The following PLPPR5 variants were observed in gnomAD, a reference collection of about 807,000 sequenced individuals.
PLPPR5 encodes phospholipid phosphatase related 5.
PLPPR5 carries 16 observed loss-of-function variants against 33.9 expected under a neutral mutation model. The ratio of observed to expected loss-of-function variants is 0.47; its 90% confidence interval spans 0.32 to 0.72. PLPPR5 has a LOEUF of 0.72. Ranked by LOEUF, PLPPR5 falls within the 30% of genes least tolerant of loss-of-function variation. The pLI is 0.03. For synonymous variants in PLPPR5, 163 were observed against 150.3 expected, an observed-to-expected ratio of 1.08 and a Z score of -0.62; for missense variants, 301 against 406.7, an observed-to-expected ratio of 0.74 and a Z score of 2.23.
intron 3 of PLPPR5, among the ~76,000 whole-genome samples, chr1:98,935,812 C>T (rs1251684640): frequency 6.6e-6 from 1 of 152,192 alleles, no homozygotes; most frequent in African/African-American, 2.4e-5. Flanking sequence ...TGCCAGAACA[C>T]TGCTTTATGC....
intron 1 of PLPPR5, among the ~76,000 whole-genome samples, chr1:99,003,568 T>A (rs1181058123): frequency 6.6e-6 from 1 of 152,188 alleles, no homozygotes; most frequent in Non-Finnish European, 1.5e-5. Flanking sequence ...TATTCACATA[T>A]GTAAATTACT....
intron 2 of PLPPR5, among the ~76,000 whole-genome samples, chr1:98,955,681 T>A (rs1015930877): frequency 6.6e-6 from 1 of 152,092 alleles, no homozygotes; most frequent in Non-Finnish European, 1.5e-5. Flanking sequence ...AGGTGATCTA[T>A]GCATAATATC....
At chr1:98,895,277 G>T (rs982349304) in intron 5 of PLPPR5, among the ~76,000 whole-genome samples, 1 of 151,834 alleles carries the variant, frequency 6.6e-6, no homozygotes, top group Non-Finnish European at 1.5e-5. Flanking sequence ...CCCTCTTTTT[G>T]TGCTTCCATT....
chr1:98,902,966 T>A (rs1392296943), intron 5 of PLPPR5, among the ~76,000 whole-genome samples: 1 of 152,116 alleles, frequency 6.6e-6, no homozygotes, highest in African/African-American at 2.4e-5. Context: ...ATGTAGTATG[T>A]AATAATTCAT....
At chr1:98,901,484 C>T (rs1648692053) in intron 5 of PLPPR5, among the ~76,000 whole-genome samples, 1 of 151,962 alleles carries the variant, frequency 6.6e-6, no homozygotes, top group Admixed American at 6.6e-5. Context: ...AAATTAGGCC[C>T]ACCAGACATA....
intron 1 of PLPPR5, among the ~76,000 whole-genome samples, chr1:98,969,993 T>A (rs1169743638): frequency 6.6e-6 from 1 of 152,026 alleles, no homozygotes; most frequent in African/African-American, 2.4e-5. Context: ...TTCAAATTCA[T>A]CATACAGATC....
intron 1 of PLPPR5, among the ~76,000 whole-genome samples, chr1:99,001,312 T>C (rs1307717937): frequency 1.3e-5 from 2 of 151,720 alleles, no homozygotes; most frequent in Admixed American, 1.3e-4. Context: ...TTTTTTGTAC[T>C]TTTTAGTAGA....
intron 3 of PLPPR5, among the ~76,000 whole-genome samples, chr1:98,934,490 A>T (rs913660517): frequency 1.3e-5 from 2 of 152,180 alleles, no homozygotes; most frequent in Admixed American, 1.3e-4. Flanking sequence ...ACACTCATTT[A>T]TCCAGTTTCA....
At chr1:98,932,096 C>A (rs1295759303) in intron 3 of PLPPR5, among the ~76,000 whole-genome samples, 3 of 152,202 alleles carry the variant, frequency 2.0e-5, no homozygotes, top group Admixed American at 6.5e-5. Context: ...CCTCAGTGGC[C>A]AACAGAAGTT....
intron 1 of PLPPR5, among the ~76,000 whole-genome samples, chr1:98,988,986 C>T (rs1048055570): frequency 5.3e-5 from 8 of 152,012 alleles, no homozygotes; most frequent in African/African-American, 1.9e-4. Context: ...ACCAGTGATC[C>T]CTTTTATAGA....
At chr1:98,984,956 T>A (rs571669081) in intron 1 of PLPPR5, among the ~76,000 whole-genome samples, 94 of 152,166 alleles carry the variant, frequency 6.2e-4, no homozygotes, top group Middle Eastern at 6.8e-3. Context: ...CTTTCTTGTA[T>A]TGAGCTGGCT....
chr1:98,958,794 G>A (rs995695695), intron 1 of PLPPR5, among the ~76,000 whole-genome samples: 1 of 152,076 alleles, frequency 6.6e-6, no homozygotes, highest in Non-Finnish European at 1.5e-5. Context: ...CTTCTTCTGG[G>A]TCTGTTTTAC....
At chr1:98,900,910 C>T (rs1053960377) in intron 5 of PLPPR5, among the ~76,000 whole-genome samples, 2 of 152,132 alleles carry the variant, frequency 1.3e-5, no homozygotes, top group African/African-American at 4.8e-5. Context: ...AGAAATGACA[C>T]AGATAACTTG....
At chr1:98,991,959 C>T (rs1157603224) in intron 1 of PLPPR5, among the ~76,000 whole-genome samples, 1 of 152,180 alleles carries the variant, frequency 6.6e-6, no homozygotes, top group African/African-American at 2.4e-5. Context: ...AGTCACTGTT[C>T]ATTTCATTTG....
At chr1:98,961,709 T>G (rs561002509) in intron 1 of PLPPR5, among the ~76,000 whole-genome samples, 6 of 152,228 alleles carry the variant, frequency 3.9e-5, no homozygotes, top group Non-Finnish European at 8.8e-5. Context: ...TTATGGCTAA[T>G]TTAATACCAG....
At chr1:98,909,201 G>A (rs1570687904) in intron 5 of PLPPR5, among the ~76,000 whole-genome samples, 1 of 150,594 alleles carries the variant, frequency 6.6e-6, no homozygotes, top group East Asian at 2.0e-4. Flanking sequence ...TGCTCTGACT[G>A]GTGTCTGTTT....
chr1:98,914,951 G>T, intron 4 of PLPPR5, 31 bp from the exon 5 acceptor site: 1 of 1,596,782 alleles, frequency 6.3e-7, no homozygotes. Context: ...TACAGTTAAA[G>T]CAAACTGTGC....
intron 3 of PLPPR5, among the ~76,000 whole-genome samples, chr1:98,943,418 G>T (rs982983573): frequency 9.9e-5 from 15 of 152,152 alleles, no homozygotes; most frequent in Non-Finnish European, 2.1e-4. Flanking sequence ...TGGACACAGG[G>T]TCTGTGTAGA....
intron 1 of PLPPR5, among the ~76,000 whole-genome samples, chr1:98,967,868 G>C (rs906959573): frequency 6.6e-6 from 1 of 152,100 alleles, no homozygotes; most frequent in African/African-American, 2.4e-5. Context: ...TGGTAAGGGA[G>C]TAAAGGAGTC....
Sources: allele counts gnomAD v4.1 joint callset (sites outside exome capture counted in the v4.1 genomes callset), GRCh38; gene constraint gnomAD v4.1.1; transcripts MANE v1.5; gene names NCBI Gene and HGNC (gene_info 2026-07-23, HGNC 2026-07-21).